Variants in LRRC3B observed in about 807,000 individuals in gnomAD.
The protein encoded by LRRC3B is leucine rich repeat containing 3B.
LRRC3B carries 2 observed loss-of-function variants against 12.8 expected under a neutral mutation model. The observed-to-expected ratio is 0.16, with a 90% CI of 0.06 to 0.49. The LOEUF (loss-of-function observed/expected upper bound fraction) is 0.49. Ranked by LOEUF, LRRC3B falls within the 20% of genes least tolerant of loss-of-function variation. The pLI is 0.96. For synonymous variants in LRRC3B, 132 were observed against 122.0 expected, an observed-to-expected ratio of 1.08 and a Z score of -0.54; for missense variants, 189 against 319.4, an observed-to-expected ratio of 0.59 and a Z score of 3.11.
intron 1 of LRRC3B, among the ~76,000 whole-genome samples, chr3:26,671,346 G>GTATATATA (rs1186942021): frequency 0.011 from 642 of 56,210 alleles, 60 homozygotes; most frequent in African/African-American, 0.05. Flanking sequence ...GTGTATATAT[G>GTATATATA]TGTGTATATA....
intron 1 of LRRC3B, among the ~76,000 whole-genome samples, chr3:26,630,292 A>C (rs983837450): frequency 2.0e-5 from 3 of 152,184 alleles, no homozygotes; most frequent in Non-Finnish European, 4.4e-5. Flanking sequence ...CTCCAGGCCA[A>C]GGTCTTCTAC....
At chr3:26,707,435 A>G (rs1392674845) in intron 1 of LRRC3B, among the ~76,000 whole-genome samples, 1 of 152,124 alleles carries the variant, frequency 6.6e-6, no homozygotes. Flanking sequence ...TATTTTTTTA[A>G]TTGCTTACTA....
chr3:26,695,138 A>G (rs373798219), intron 1 of LRRC3B, among the ~76,000 whole-genome samples: 43 of 152,274 alleles, frequency 2.8e-4, no homozygotes, highest in African/African-American at 1.0e-3. Context: ...ACAACTTTTT[A>G]TCAGAATTTG....
At chr3:26,694,649 C>A (rs1443111711) in intron 1 of LRRC3B, 2 of 152,182 alleles carry the variant, frequency 1.3e-5, no homozygotes, top group Non-Finnish European at 2.9e-5. Context: ...CTGTCCAAGA[C>A]CTCCTAGCTG....
chr3:26,710,507 A>C (rs886767666), exon 2 of LRRC3B: 1 of 1,487,974 alleles, frequency 6.7e-7, no homozygotes, highest in Non-Finnish European at 9.0e-7. Context: ...ATTGCAGTAG[A>C]AATAAGTGGT....
At chr3:26,643,799 C>T (rs1229556899) in intron 1 of LRRC3B, among the ~76,000 whole-genome samples, 2 of 152,180 alleles carry the variant, frequency 1.3e-5, no homozygotes, top group Non-Finnish European at 2.9e-5. Flanking sequence ...CTGCAAGTCT[C>T]AGGAGTTACA....
At chr3:26,646,627 A>C (rs1160495852) in intron 1 of LRRC3B, among the ~76,000 whole-genome samples, 17 of 148,714 alleles carry the variant, frequency 1.1e-4, no homozygotes, top group Admixed American at 2.0e-4. Context: ...AAAAAAAAAA[A>C]AAAAAAAAAC....
intron 1 of LRRC3B, among the ~76,000 whole-genome samples, chr3:26,697,093 T>A (rs1226785664): frequency 2.0e-5 from 3 of 152,216 alleles, no homozygotes; most frequent in Non-Finnish European, 1.5e-5. Context: ...CAGATAGAAT[T>A]GACTTCAAGT....
At chr3:26,668,587 G>C (rs1304656588) in intron 1 of LRRC3B, among the ~76,000 whole-genome samples, 1 of 152,168 alleles carries the variant, frequency 6.6e-6, no homozygotes, top group Non-Finnish European at 1.5e-5. Flanking sequence ...AAGAATCTGG[G>C]TTTTTAAGTT....
intron 1 of LRRC3B, among the ~76,000 whole-genome samples, chr3:26,656,010 C>A (rs1410691342): frequency 1.3e-5 from 2 of 152,136 alleles, no homozygotes; most frequent in Non-Finnish European, 2.9e-5. Context: ...GACTGCAAAG[C>A]CTGACCTCAT....
At chr3:26,654,257 TAAG>T in intron 1 of LRRC3B, among the ~76,000 whole-genome samples, 1 of 152,190 alleles carries the variant, frequency 6.6e-6, no homozygotes, top group East Asian at 1.9e-4. Flanking sequence ...CAAGCAGACA[TAAG>T]AAGCCGGCTG....
chr3:26,668,891 T>A (rs1449157724), intron 1 of LRRC3B, among the ~76,000 whole-genome samples: 1 of 152,096 alleles, frequency 6.6e-6, no homozygotes, highest in Non-Finnish European at 1.5e-5. Flanking sequence ...TTATGAGTAT[T>A]TAGTAGAGAG....
intron 1 of LRRC3B, among the ~76,000 whole-genome samples, chr3:26,653,219 G>A (rs1275493067): frequency 6.6e-6 from 1 of 152,010 alleles, no homozygotes; most frequent in Non-Finnish European, 1.5e-5. Context: ...AGAGGAAAAT[G>A]AGGGAAAAAA....
intron 1 of LRRC3B, among the ~76,000 whole-genome samples, chr3:26,701,457 C>T (rs897633874): frequency 6.6e-6 from 1 of 152,128 alleles, no homozygotes; most frequent in Non-Finnish European, 1.5e-5. Context: ...ATCTAAGCAT[C>T]TACCCTACAG....
At chr3:26,684,244 T>G (rs1465156423) in intron 1 of LRRC3B, among the ~76,000 whole-genome samples, 2 of 152,252 alleles carry the variant, frequency 1.3e-5, no homozygotes, top group Non-Finnish European at 2.9e-5. Flanking sequence ...GTAGATTGTA[T>G]GTAACTGTCA....
chr3:26,682,771 C>T (rs1417133408), intron 1 of LRRC3B, among the ~76,000 whole-genome samples: 1 of 152,234 alleles, frequency 6.6e-6, no homozygotes, highest in Non-Finnish European at 1.5e-5. Flanking sequence ...TTCCCCTTCC[C>T]ATTGCATACT....
At chr3:26,628,689 A>G (rs1698684903) in intron 1 of LRRC3B, among the ~76,000 whole-genome samples, 1 of 151,986 alleles carries the variant, frequency 6.6e-6, no homozygotes, top group South Asian at 2.1e-4. Flanking sequence ...ACATCTCAAC[A>G]TGATAATGAC....
At chr3:26,664,534 G>A (rs1699559699) in intron 1 of LRRC3B, among the ~76,000 whole-genome samples, 2 of 152,110 alleles carry the variant, frequency 1.3e-5, no homozygotes, top group Admixed American at 6.6e-5. Flanking sequence ...ATGAAAGAAG[G>A]TATTTTTGGT....
intron 1 of LRRC3B, chr3:26,625,383 C>A (rs1698602749): frequency 1.3e-5 from 2 of 152,248 alleles, no homozygotes; most frequent in African/African-American, 4.8e-5. Context: ...ACTCCAGAGC[C>A]CCAAGGAGCA....
Sources: gnomAD v4.1 joint callset for allele counts (sites outside exome capture counted in the v4.1 genomes callset) on GRCh38, gnomAD v4.1.1 for gene constraint, MANE v1.5 for transcripts, NCBI Gene and HGNC (gene_info 2026-07-23, HGNC 2026-07-21) for gene names.